The following ROBO2 variants were observed in gnomAD, a reference collection of about 807,000 sequenced individuals.
The protein encoded by ROBO2 is roundabout guidance receptor 2, also known as roundabout homolog 2.
ROBO2 carries 53 observed loss-of-function variants against 160.8 expected under a neutral mutation model. The ratio of observed to expected loss-of-function variants is 0.33; its 90% CI spans 0.26 to 0.41. ROBO2 has a LOEUF of 0.41. Ranked by LOEUF, ROBO2 falls within the 10% of genes least tolerant of loss-of-function variation. The pLI is 1.00. For missense variants in ROBO2, 1,577 were observed against 1,722.4 expected, an observed-to-expected ratio of 0.92 and a Z score of 1.49; for synonymous variants, 664 against 611.7, an observed-to-expected ratio of 1.09 and a Z score of -1.26.
chr3:76,666,202 T>C (rs1021181033), intron 2 of ROBO2, among the ~76,000 whole-genome samples: 2 of 151,656 alleles, frequency 1.3e-5, no homozygotes, highest in African/African-American at 4.8e-5. Context: ...ATGTATAATA[T>C]AATTTGAAGC....
intron 2 of ROBO2, among the ~76,000 whole-genome samples, chr3:77,400,136 C>A (rs1045651821): frequency 6.6e-6 from 1 of 152,124 alleles, no homozygotes; most frequent in Non-Finnish European, 1.5e-5. Context: ...CACTGATTAA[C>A]CATGTAGCTT....
At chr3:75,986,012 A>C (rs1359371296) in intron 2 of ROBO2, among the ~76,000 whole-genome samples, 3 of 151,672 alleles carry the variant, frequency 2.0e-5, no homozygotes. Context: ...ACGTGTGTAC[A>C]AATATATCTT....
chr3:76,685,171 G>A lies in ROBO2; in HGVS notation c.110-412843G>A, dbSNP rs2092657680. 2.0e-5 allele frequency among the ~76,000 whole-genome samples: 3 copies of A among 147,328 alleles called. No homozygotes were observed. In the South Asian group the frequency reaches 6.5e-4, roughly 32 times the overall value. On this transcript the variant is annotated intron_variant, in intron 2 of 26. Coordinates refer to the ROBO2 transcript ENST00000487694. ...TTTGTCCAGCCACCAAACTATTCATGGGTTGTTGTGGGTTGGTTGTGTTTT... is the reference window on the plus strand; with the variant it reads ...TTTGTCCAGCCACCAAACTATTCATAGGTTGTTGTGGGTTGGTTGTGTTTT...
chr3:76,700,677 G>A (rs1331098261), intron 2 of ROBO2, among the ~76,000 whole-genome samples: 3 of 152,124 alleles, frequency 2.0e-5, no homozygotes, highest in Admixed American at 1.3e-4. Context: ...CTTCTTCAAT[G>A]AAGTGTGCCT....
chr3:77,362,257 G>A (rs76140101), intron 2 of ROBO2, among the ~76,000 whole-genome samples: 1,640 of 152,214 alleles, frequency 0.011, 16 homozygotes, highest in Middle Eastern at 0.017. Flanking sequence ...TTTTGCAATG[G>A]GGGAGAGAAA....
intron 1 of ROBO2, among the ~76,000 whole-genome samples, chr3:77,041,895 G>A (rs1218064037): frequency 6.6e-6 from 1 of 152,056 alleles, no homozygotes; most frequent in Non-Finnish European, 1.5e-5. Context: ...AACTGTTTGA[G>A]CCATCACAAT....
chr3:76,641,013 A>G (rs1022278320), intron 2 of ROBO2, among the ~76,000 whole-genome samples: 1 of 152,220 alleles, frequency 6.6e-6, no homozygotes, highest in Non-Finnish European at 1.5e-5. Context: ...ATGCAGAATA[A>G]TTAACTCTTC....
At chr3:77,264,948 C>G (rs2059033019) in intron 2 of ROBO2, among the ~76,000 whole-genome samples, 1 of 152,110 alleles carries the variant, frequency 6.6e-6, no homozygotes, top group Non-Finnish European at 1.5e-5. Context: ...TCTCTTTATT[C>G]TTGTTCCTTT....
chr3:76,904,400 T>C (rs2075448600), intron 2 of ROBO2, among the ~76,000 whole-genome samples: 1 of 151,558 alleles, frequency 6.6e-6, no homozygotes, highest in Non-Finnish European at 1.5e-5. Context: ...GCAGTTACAT[T>C]TATTGCTAAG....
chr3:77,622,659 A>G (rs2094926528), intron 23 of ROBO2, among the ~76,000 whole-genome samples: 1 of 152,248 alleles, frequency 6.6e-6, no homozygotes, highest in Non-Finnish European at 1.5e-5. Flanking sequence ...AAAGACATGA[A>G]AGAAAACTCA....
chr3:77,024,886 C>T (rs9812168), intron 2 of ROBO2, among the ~76,000 whole-genome samples: 1,752 of 151,722 alleles, frequency 0.012, 36 homozygotes, highest in African/African-American at 0.04. Flanking sequence ...ATACAAATAT[C>T]GTAAAGTGAA....
chr3:77,439,447 TATG>T (rs1312452452), intron 2 of ROBO2, among the ~76,000 whole-genome samples: 1 of 151,964 alleles, frequency 6.6e-6, no homozygotes, highest in African/African-American at 2.4e-5. Context: ...TGTGGCCTCT[TATG>T]ATATGAATTA....
At chr3:77,001,063 C>T (rs1463326187) in intron 2 of ROBO2, among the ~76,000 whole-genome samples, 1 of 152,146 alleles carries the variant, frequency 6.6e-6, no homozygotes, top group Admixed American at 6.6e-5. Context: ...TAGATACAAG[C>T]ACCAACTCTA....
chr3:76,268,987 A>C (rs1241473739), intron 2 of ROBO2, among the ~76,000 whole-genome samples: 1 of 152,226 alleles, frequency 6.6e-6, no homozygotes, highest in South Asian at 2.1e-4. Context: ...GTTTAATATT[A>C]TTTGTTTCAT....
intron 2 of ROBO2, among the ~76,000 whole-genome samples, chr3:76,817,114 T>A (rs2065737812): frequency 6.6e-6 from 1 of 152,048 alleles, no homozygotes; most frequent in Admixed American, 6.6e-5. Flanking sequence ...GAGAAATACC[T>A]AATGTAGGGT....
At chr3:77,111,949 C>T (rs912425416) in intron 2 of ROBO2, among the ~76,000 whole-genome samples, 2 of 152,158 alleles carry the variant, frequency 1.3e-5, no homozygotes, top group East Asian at 2.0e-4. Flanking sequence ...CGGTGGCTCA[C>T]GCCTGTAGTC....
At chr3:76,972,693 C>CA (rs1022294158) in intron 2 of ROBO2, among the ~76,000 whole-genome samples, 2 of 151,850 alleles carry the variant, frequency 1.3e-5, no homozygotes, top group East Asian at 1.9e-4. Context: ...TCTGTCTCTA[C>CA]AAAAAATCAA....
intron 2 of ROBO2, among the ~76,000 whole-genome samples, chr3:77,331,713 A>ATT (rs1553912537): frequency 1.3e-5 from 2 of 151,384 alleles, no homozygotes; most frequent in African/African-American, 2.4e-5. Flanking sequence ...TTATTTATTT[A>ATT]TATATTTTGA....
At chr3:77,588,228 T>A (rs2094101313) in intron 16 of ROBO2, among the ~76,000 whole-genome samples, 1 of 152,078 alleles carries the variant, frequency 6.6e-6, no homozygotes, top group Non-Finnish European at 1.5e-5. Flanking sequence ...GTAGTTTTAA[T>A]ACTTCCCAGA....
Sources: gnomAD v4.1 joint callset for allele counts (sites outside exome capture counted in the v4.1 genomes callset) on GRCh38, gnomAD v4.1.1 for gene constraint, MANE v1.5 for transcripts, NCBI Gene and HGNC (gene_info 2026-07-23, HGNC 2026-07-21) for gene names.